MTF2: variants seen among roughly 807,000 people sequenced by gnomAD.
MTF2 encodes the protein metal response element binding transcription factor 2.
MTF2 carries 11 observed loss-of-function variants against 79.5 expected under a neutral mutation model. The observed-to-expected ratio is 0.14, with a 90% CI of 0.09 to 0.23. MTF2 has a LOEUF of 0.23. Ranked by LOEUF, MTF2 falls within the 10% of genes least tolerant of loss-of-function variation. The probability of loss-of-function intolerance (pLI) is 1.00; values close to 1 mark genes in which losing one functional copy is unlikely to be tolerated. For missense variants in MTF2, 486 were observed against 711.2 expected (o/e 0.68, Z 3.60); for synonymous variants, 208 against 232.8 (o/e 0.89, Z 0.97).
intron 1 of MTF2, among the ~76,000 whole-genome samples, chr1:93,102,754 A>G (rs1655597996): frequency 6.6e-6 from 1 of 152,110 alleles, no homozygotes; most frequent in Non-Finnish European, 1.5e-5. Context: ...TTTTGGGAGA[A>G]TAATTTGATA....
chr1:93,104,974 C>T (rs929073503), intron 1 of MTF2, among the ~76,000 whole-genome samples: 2 of 151,878 alleles, frequency 1.3e-5, no homozygotes, highest in African/African-American at 4.8e-5. Context: ...GAAACCCCGT[C>T]TCTACTAAAA....
intron 1 of MTF2, among the ~76,000 whole-genome samples, chr1:93,107,936 A>G (rs12139009): frequency 0.49 from 75,158 of 151,888 alleles, 22,226 homozygotes; most frequent in South Asian, 0.68. Flanking sequence ...ACGTGCCACA[A>G]TGCCCGGCTA....
Position 93,137,067 on chromosome 1 carries a change from C to T in MTF2, c.*40C>T. 1 of 1,533,252 alleles carries T rather than the reference C, an allele frequency of 6.5e-7. No individual in the cohort carries two copies. The highest frequency in any genetic ancestry group is 9.0e-7 in the Non-Finnish European group (1 of 1,114,950). The allele number at this position is 1,533,252 out of a possible 1,614,324, so 95.0% of individuals were successfully genotyped here. A position where few individuals can be genotyped will look rare whatever the true frequency, so the allele number is the denominator to read the frequency against. ...ATTATGTTCACTGCACTCTGATTTTCTGTAGGTACAGTTCAAAGCCCTAAA... is the reference window on the plus strand; with the variant it reads ...ATTATGTTCACTGCACTCTGATTTTTTGTAGGTACAGTTCAAAGCCCTAAA... On this transcript the variant is annotated 3_prime_UTR_variant, in exon 15 of 15. Coordinates refer to ENST00000370298, the MANE Select transcript of MTF2 (RefSeq NM_007358.4).
In MTF2 at chr1:93,120,691, A is replaced by C; in HGVS notation, c.921+19A>C. On this transcript the variant is annotated intron_variant, in intron 9 of 14. Coordinates refer to ENST00000370298, the MANE Select transcript of MTF2 (RefSeq NM_007358.4). Reference sequence around the variant, plus strand: ...TGGAGAGGTAGGTGGTCTGAGAACTAACTTCAGTAGCTACTTGATGTCTTT... The same window carrying C: ...TGGAGAGGTAGGTGGTCTGAGAACTCACTTCAGTAGCTACTTGATGTCTTT... 1 of 1,602,650 alleles carries C rather than the reference A, an allele frequency of 6.2e-7. No individual in the cohort carries two copies. Among genetic ancestry groups the C allele is most frequent in the Non-Finnish European group, 8.5e-7 (1 of 1,176,406 alleles).
chr1:93,128,079 G>T (rs1311878897), intron 10 of MTF2, among the ~76,000 whole-genome samples: 1 of 152,032 alleles, frequency 6.6e-6, no homozygotes, highest in Admixed American at 6.6e-5. Flanking sequence ...TACCTGATAT[G>T]ACCTTGAAGT....
At position 93,120,530 on chromosome 1, in the gene MTF2, G is replaced by T. The variant is rs1242753121; in HGVS notation, c.798-19G>T. The stretch of plus-strand genomic sequence containing the variant: ...ACCAAAAACATTGTTTTGTGTATTT[G>T]ATTATTTTCGGATTCCAGGGTAGAT... On this transcript the variant is annotated intron_variant, in intron 8 of 14. Coordinates refer to ENST00000370298, the MANE Select transcript of MTF2 (RefSeq NM_007358.4). 1 of 1,553,178 alleles carries T rather than the reference G, an allele frequency of 6.4e-7. No homozygotes were observed. Among genetic ancestry groups the T allele is most frequent in the South Asian group, 1.2e-5 (1 of 81,806 alleles).
chr1:93,134,185 A>G lies in MTF2; in HGVS notation c.1414A>G (p.Arg472Gly). The G allele has an allele frequency of 6.2e-7, 1 of 1,603,028 alleles. No individual in the cohort carries two copies. Among genetic ancestry groups the G allele is most frequent in the Non-Finnish European group, 8.5e-7 (1 of 1,170,990 alleles). The change falls in exon 14 of 15, where the codon AGG becomes GGG. Residue 472 changes from arginine to glycine, a missense_variant. Physicochemically the swap from Arg to Gly is moderately radical, Grantham distance 125. Transcript: ENST00000370298. ...AKETTSSSIS[R>G]HYGLSDSRKR... ...AGAAACTACCTCGTCTAGCATTTCCAGGCATTATGGGTAGATATTTTACAT... is the reference window on the plus strand; with the variant it reads ...AGAAACTACCTCGTCTAGCATTTCCGGGCATTATGGGTAGATATTTTACAT...
At position 93,125,485 on chromosome 1, in the gene MTF2, C is replaced by T. The variant is rs182754757; in HGVS notation, c.922-1747C>T. ...GCTTTGGAAACATTCTTGAGGGAGACTCTTATGGAGGGCCATAGGGGTTCT... is the reference window on the plus strand; with the variant it reads ...GCTTTGGAAACATTCTTGAGGGAGATTCTTATGGAGGGCCATAGGGGTTCT... On this transcript the variant is annotated intron_variant, in intron 9 of 14. Coordinates refer to ENST00000370298, the MANE Select transcript of MTF2 (RefSeq NM_007358.4). Among the ~76,000 whole-genome samples, 6 of 152,040 alleles carry T rather than the reference C, an allele frequency of 3.9e-5. No homozygotes were observed. The East Asian group carries it at 1.2e-3, about 29-fold the overall frequency.
chr1:93,104,473 G>A (rs1655675510), intron 1 of MTF2, among the ~76,000 whole-genome samples: 1 of 151,736 alleles, frequency 6.6e-6, no homozygotes, highest in African/African-American at 2.4e-5. Flanking sequence ...AAGGTCAGGA[G>A]ATCAAGACCA....
chr1:93,102,522 A>G (rs537347990), intron 1 of MTF2, among the ~76,000 whole-genome samples: 22 of 151,824 alleles, frequency 1.4e-4, no homozygotes, highest in Non-Finnish European at 2.8e-4. Flanking sequence ...AGCCCGGGAG[A>G]TTGAGGCTGC....
intron 9 of MTF2, chr1:93,121,172 C>T (rs1656460853): frequency 6.1e-6 from 6 of 984,398 alleles, no homozygotes; most frequent in Non-Finnish European, 7.2e-6. Context: ...TATCCCCTCT[C>T]ATTCTGACAT....
intron 4 of MTF2, 80 bp from the exon 5 acceptor site, chr1:93,114,907 AT>A (rs1371840167): frequency 7.9e-6 from 10 of 1,262,556 alleles, no homozygotes; most frequent in Non-Finnish European, 1.0e-5. Flanking sequence ...AATGTAGGAA[AT>A]AATGCTAAAA....
chr1:93,109,953 T>C (rs1257394718), intron 1 of MTF2, among the ~76,000 whole-genome samples: 6 of 152,204 alleles, frequency 3.9e-5, no homozygotes, highest in African/African-American at 1.2e-4. Context: ...AACATAAAGC[T>C]GTTATTTTGA....
At chr1:93,130,427 A>C (rs1656870901) in intron 11 of MTF2, among the ~76,000 whole-genome samples, 1 of 152,182 alleles carries the variant, frequency 6.6e-6, no homozygotes, top group South Asian at 2.1e-4. Context: ...AATTACAAAA[A>C]TTAGCCGGGC....
intron 5 of MTF2, 84 bp downstream of exon 5, chr1:93,115,172 G>T (rs542453047): frequency 9.3e-7 from 1 of 1,073,396 alleles, no homozygotes; most frequent in South Asian, 1.5e-5. Context: ...CTGAAAGTTT[G>T]TTGGAATGAA....
rs1293122924 is a variant in MTF2, at chr1:93,106,072, G to A, written c.6-4158G>A. On this transcript the variant is annotated intron_variant, in intron 1 of 14. Transcript: ENST00000370298. ...GTGAATGGAAGGGAAAAAATGAGGAGGTGGTGGGAAGGGGGCATAAGGAAT... is the reference window on the plus strand; with the variant it reads ...GTGAATGGAAGGGAAAAAATGAGGAAGTGGTGGGAAGGGGGCATAAGGAAT... Among the ~76,000 whole-genome samples, 5 of 152,132 alleles carry A rather than the reference G, an allele frequency of 3.3e-5. No individual in the cohort carries two copies. In the East Asian group the frequency reaches 9.6e-4, roughly 29 times the overall value.
intron 11 of MTF2, among the ~76,000 whole-genome samples, chr1:93,130,049 A>T (rs1055685115): frequency 1.9e-4 from 29 of 152,340 alleles, no homozygotes; most frequent in Admixed American, 1.4e-3. Flanking sequence ...TAACAATGTG[A>T]AAAACAAAGG....
chr1:93,115,200 G>C, intron 5 of MTF2, 112 bp downstream of exon 5: 1 of 780,076 alleles, frequency 1.3e-6, no homozygotes, highest in Non-Finnish European at 2.0e-6. Context: ...ATGAATGCTG[G>C]GTAGAAAGAG....
At chr1:93,110,696 G>A (rs1160733159) in intron 3 of MTF2, 70 bp downstream of exon 3, 1 of 1,245,440 alleles carries the variant, frequency 8.0e-7, no homozygotes. Flanking sequence ...GTCATATTAT[G>A]ATGTTGTCTG....
Sources: allele counts gnomAD v4.1 joint callset (sites outside exome capture counted in the v4.1 genomes callset), GRCh38; gene constraint gnomAD v4.1.1; transcripts MANE v1.5; gene names NCBI Gene and HGNC (gene_info 2026-07-23, HGNC 2026-07-21).